SPATA17: variants seen among roughly 807,000 people sequenced by gnomAD.
The protein encoded by SPATA17 is spermatogenesis-associated protein 17.
SPATA17 carries 53 observed loss-of-function variants against 62.2 expected under a neutral mutation model. That is an observed-to-expected ratio of 0.85 (90% CI 0.68 to 1.07). The LOEUF (loss-of-function observed/expected upper bound fraction) is 1.07. Ranked by LOEUF, SPATA17 falls within the 50% of genes least tolerant of loss-of-function variation. The pLI is 0.00. For synonymous variants in SPATA17, 146 were observed against 146.8 expected (o/e 0.99, Z 0.04); for missense variants, 466 against 425.5 (o/e 1.10, Z -0.84).
chr1:217,702,811 G>A (rs918784835), intron 5 of SPATA17, among the ~76,000 whole-genome samples: 9 of 151,822 alleles, frequency 5.9e-5, no homozygotes, highest in African/African-American at 1.4e-4. Context: ...ATGTTCTATC[G>A]AATGATAGTT....
chr1:217,690,406 T>A (rs1049484587), intron 5 of SPATA17, among the ~76,000 whole-genome samples: 1 of 151,714 alleles, frequency 6.6e-6, no homozygotes, highest in Non-Finnish European at 1.5e-5. Flanking sequence ...TTGATGACTG[T>A]ATTTTTCATT....
chr1:217,801,800 T>C lies in SPATA17; in HGVS notation c.955T>C (p.Tyr319His), dbSNP rs780877242. 4 of 1,611,614 alleles carry C rather than the reference T, an allele frequency of 2.5e-6. No homozygotes were observed. The highest frequency in any genetic ancestry group is 1.3e-5 in the African/African-American group (1 of 74,944). ...HLSSKYGPIS[Y>H]KEQFRSENPK... The stretch of plus-strand genomic sequence containing the variant: ...ATCAAGCAAGTATGGTCCTATTTCT[T>C]ACAAAGAACAATTCCGAAGTGAAAA... The change falls in exon 9 of 11, where the codon TAC becomes CAC. Residue 319 changes from tyrosine to histidine, a missense_variant. Tyr to His is a moderately conservative substitution (Grantham distance 83). Coordinates refer to ENST00000366933, the MANE Select transcript of SPATA17 (RefSeq NM_138796.4).
chr1:217,853,533 A>G (rs1675710629), intron 9 of SPATA17, among the ~76,000 whole-genome samples: 1 of 152,180 alleles, frequency 6.6e-6, no homozygotes, highest in South Asian at 2.1e-4. Flanking sequence ...AGTTTATGCC[A>G]TAGTGAGTGT....
chr1:217,651,040 T>C (rs1367578744), intron 2 of SPATA17, 57 bp from the exon 3 acceptor site: 5 of 1,339,844 alleles, frequency 3.7e-6, no homozygotes, highest in African/African-American at 2.9e-5. Context: ...TTAACAAAGA[T>C]TTAACTGACC....
chr1:217,661,214 G>A (rs1056106015), intron 3 of SPATA17, among the ~76,000 whole-genome samples: 2 of 151,902 alleles, frequency 1.3e-5, no homozygotes, highest in African/African-American at 4.8e-5. Flanking sequence ...GAATGCATTA[G>A]GTAGAATTTA....
intron 5 of SPATA17, among the ~76,000 whole-genome samples, chr1:217,717,976 G>T (rs961540117): frequency 6.6e-6 from 1 of 152,196 alleles, no homozygotes; most frequent in African/African-American, 2.4e-5. Context: ...GGGGTCATAA[G>T]CAGTGGCTAG....
intron 5 of SPATA17, among the ~76,000 whole-genome samples, chr1:217,688,885 C>T (rs1671286120): frequency 2.0e-5 from 3 of 152,052 alleles, no homozygotes; most frequent in Admixed American, 2.0e-4. Context: ...TCTTTGAAAC[C>T]TCAGTGCCTA....
chr1:217,867,156 GAATT>G lies in SPATA17; in HGVS notation c.*143_*146del, dbSNP rs757844434. On this transcript the variant is annotated 3_prime_UTR_variant, in exon 11 of 11. Coordinates refer to ENST00000366933, the MANE Select transcript of SPATA17 (RefSeq NM_138796.4). ...TATAAAATTTTGTAGCTCTAGTCAT[GAATT>G]AATTATTGTGTGTATGTATTTGAAA... The G allele has an allele frequency of 5.6e-4, 85 of 152,256 alleles. No homozygotes were observed. The highest frequency in any genetic ancestry group is 1.9e-3 in the South Asian group (9 of 4,814). The allele number at this position is 152,256 out of a possible 1,614,324, so 9.4% of individuals were successfully genotyped here. A position where few individuals can be genotyped will look rare whatever the true frequency, so the allele number is the denominator to read the frequency against.
intron 9 of SPATA17, among the ~76,000 whole-genome samples, chr1:217,848,592 C>G (rs868263997): frequency 5.3e-5 from 8 of 152,218 alleles, no homozygotes; most frequent in Middle Eastern, 3.4e-3. Flanking sequence ...TTTCTCCACA[C>G]CCTGTAAAAA....
At chr1:217,669,152 G>C (rs934783367) in intron 4 of SPATA17, 69 bp downstream of exon 4, 20 of 1,380,806 alleles carry the variant, frequency 1.4e-5, no homozygotes, top group Non-Finnish European at 1.7e-5. Flanking sequence ...TTAATAAAAT[G>C]AGCAAAGCAG....
chr1:217,817,020 A>T (rs962701951), intron 9 of SPATA17, among the ~76,000 whole-genome samples: 3 of 152,108 alleles, frequency 2.0e-5, no homozygotes, highest in African/African-American at 7.2e-5. Context: ...AATTAGTCTT[A>T]CAGGGAATGG....
chr1:217,633,324 C>T (rs1406592046), intron 1 of SPATA17, among the ~76,000 whole-genome samples: 10 of 152,102 alleles, frequency 6.6e-5, no homozygotes, highest in Admixed American at 6.5e-4. Flanking sequence ...CCAGGAACAA[C>T]TACATATGAT....
At chr1:217,842,136 T>C (rs980034779) in intron 9 of SPATA17, among the ~76,000 whole-genome samples, 1 of 152,022 alleles carries the variant, frequency 6.6e-6, no homozygotes, top group African/African-American at 2.4e-5. Flanking sequence ...TTTTTTAAAT[T>C]ACTCAAACTT....
chr1:217,658,062 G>C (rs550968179), intron 3 of SPATA17, among the ~76,000 whole-genome samples: 2 of 152,168 alleles, frequency 1.3e-5, no homozygotes, highest in Non-Finnish European at 2.9e-5. Context: ...AATTATCTCT[G>C]TCTGGCCCCA....
At chr1:217,823,891 A>G (rs916794281) in intron 9 of SPATA17, among the ~76,000 whole-genome samples, 1 of 151,774 alleles carries the variant, frequency 6.6e-6, no homozygotes, top group African/African-American at 2.4e-5. Flanking sequence ...TTACTGTTTT[A>G]CTATTTTATC....
At chr1:217,672,925 T>C (rs1470864120) in intron 4 of SPATA17, among the ~76,000 whole-genome samples, 1 of 152,150 alleles carries the variant, frequency 6.6e-6, no homozygotes, top group African/African-American at 2.4e-5. Flanking sequence ...CCTATCTTCA[T>C]CTTTGTATCT....
At chr1:217,790,118 G>A (rs1019608405) in intron 8 of SPATA17, among the ~76,000 whole-genome samples, 1 of 152,120 alleles carries the variant, frequency 6.6e-6, no homozygotes, top group Non-Finnish European at 1.5e-5. Context: ...AGCCCCTTAC[G>A]AAGTAACTTA....
chr1:217,641,971 G>T (rs908784525), intron 1 of SPATA17, among the ~76,000 whole-genome samples: 1 of 152,086 alleles, frequency 6.6e-6, no homozygotes, highest in Admixed American at 6.6e-5. Flanking sequence ...TGATATTCAT[G>T]ACCTTGACAC....
chr1:217,850,947 G>T (rs1446701131), intron 9 of SPATA17, among the ~76,000 whole-genome samples: 1 of 152,122 alleles, frequency 6.6e-6, no homozygotes. Context: ...GGCATTCAGG[G>T]TAGGGAAATT....
Sources: gnomAD v4.1 joint callset for allele counts (sites outside exome capture counted in the v4.1 genomes callset) on GRCh38, gnomAD v4.1.1 for gene constraint, MANE v1.5 for transcripts, NCBI Gene and HGNC (gene_info 2026-07-23, HGNC 2026-07-21) for gene names.